The following NCALD variants were observed in gnomAD, a reference collection of about 807,000 sequenced individuals.
The protein encoded by NCALD is neurocalcin delta, also known as neurocalcin-delta.
Under a neutral mutation model 18.6 loss-of-function variants are expected in NCALD, and 10 were observed. That is an observed-to-expected ratio of 0.54 (90% CI 0.33 to 0.91). The LOEUF (loss-of-function observed/expected upper bound fraction) is 0.91. Among genes scored for constraint, NCALD ranks in the 40% least tolerant of loss-of-function variants. The pLI is 0.03. For synonymous variants in NCALD, 88 were observed against 87.4 expected, an observed-to-expected ratio of 1.01 and a Z score of -0.04; for missense variants, 184 against 247.6, an observed-to-expected ratio of 0.74 and a Z score of 1.72.
chr8:101,961,814 T>A (rs1322107428), intron 2 of NCALD, among the ~76,000 whole-genome samples: 1 of 152,058 alleles, frequency 6.6e-6, no homozygotes. Context: ...CTACCTCAAC[T>A]CTCTCCCCTA....
intron 4 of NCALD, among the ~76,000 whole-genome samples, chr8:101,820,335 G>A (rs1813669805): frequency 6.6e-6 from 1 of 151,972 alleles, no homozygotes; most frequent in Non-Finnish European, 1.5e-5. Context: ...CACATTGCAG[G>A]CACTCAAAAT....
chr8:101,849,263 T>C (rs1814997819), intron 4 of NCALD, among the ~76,000 whole-genome samples: 3 of 152,046 alleles, frequency 2.0e-5, no homozygotes, highest in South Asian at 2.1e-4. Flanking sequence ...GCTTAATACA[T>C]AGGTGATGGG....
intron 2 of NCALD, among the ~76,000 whole-genome samples, chr8:101,707,616 G>A (rs1430740674): frequency 2.0e-5 from 3 of 152,194 alleles, no homozygotes; most frequent in African/African-American, 7.2e-5. Context: ...GGTGTGAAGT[G>A]TATACTGGGG....
At chr8:101,916,739 T>A (rs1260433359) in intron 2 of NCALD, among the ~76,000 whole-genome samples, 1 of 151,820 alleles carries the variant, frequency 6.6e-6, no homozygotes, top group Non-Finnish European at 1.5e-5. Context: ...TTAACACCAA[T>A]AACAGTAAAA....
intron 4 of NCALD, among the ~76,000 whole-genome samples, chr8:101,840,128 A>AC (rs1491087416): frequency 6.6e-6 from 1 of 151,576 alleles, no homozygotes; most frequent in Non-Finnish European, 1.5e-5. Flanking sequence ...AAAAAAAAAA[A>AC]ACACAGCTGA....
chr8:101,969,079 C>T (rs1820139877), intron 2 of NCALD, among the ~76,000 whole-genome samples: 1 of 152,214 alleles, frequency 6.6e-6, no homozygotes, highest in African/African-American at 2.4e-5. Context: ...CAAGCAGTCT[C>T]TGCAAGTGAG....
At chr8:102,076,161 T>C (rs1487931264) in intron 1 of NCALD, among the ~76,000 whole-genome samples, 1 of 151,998 alleles carries the variant, frequency 6.6e-6, no homozygotes, top group African/African-American at 2.4e-5. Flanking sequence ...AATAAAAAAA[T>C]AACATGTTTA....
At chr8:101,770,375 A>T (rs1811533935) in intron 1 of NCALD, among the ~76,000 whole-genome samples, 1 of 152,214 alleles carries the variant, frequency 6.6e-6, no homozygotes, top group African/African-American at 2.4e-5. Flanking sequence ...ATGATGTTAT[A>T]ATCAGTAGCA....
intron 1 of NCALD, among the ~76,000 whole-genome samples, chr8:101,770,990 G>A (rs561367355): frequency 2.6e-5 from 4 of 152,104 alleles, no homozygotes; most frequent in Middle Eastern, 3.4e-3. Context: ...CAACTAAGAG[G>A]GTTCAGACAA....
At chr8:101,831,832 G>C (rs559744796) in intron 4 of NCALD, among the ~76,000 whole-genome samples, 2 of 152,230 alleles carry the variant, frequency 1.3e-5, no homozygotes, top group South Asian at 4.2e-4. Flanking sequence ...GAGGCCACAG[G>C]AACCCTAGTT....
chr8:102,119,012 G>A (rs1362553320), intron 1 of NCALD, among the ~76,000 whole-genome samples: 1 of 152,184 alleles, frequency 6.6e-6, no homozygotes, highest in Admixed American at 6.5e-5. Context: ...GAAAACAGTG[G>A]ATGTTCCTCC....
At chr8:102,108,419 G>A (rs1316172998) in intron 1 of NCALD, among the ~76,000 whole-genome samples, 1 of 152,138 alleles carries the variant, frequency 6.6e-6, no homozygotes, top group East Asian at 1.9e-4. Context: ...AAGACCATTT[G>A]AGCTTATCAA....
chr8:102,107,219 T>TATATATATAC (rs1554598764), intron 1 of NCALD, among the ~76,000 whole-genome samples: 34 of 127,328 alleles, frequency 2.7e-4, no homozygotes, highest in African/African-American at 1.2e-3. Flanking sequence ...TATATATATA[T>TATATATATAC]ATATATATAT....
chr8:101,840,384 C>T (rs377070833), intron 4 of NCALD, among the ~76,000 whole-genome samples: 11 of 152,290 alleles, frequency 7.2e-5, no homozygotes, highest in African/African-American at 2.6e-4. Context: ...AGCAAGTATG[C>T]TGCTTGGTAG....
At chr8:101,870,171 CT>C (rs1243335428) in intron 4 of NCALD, among the ~76,000 whole-genome samples, 2 of 152,220 alleles carry the variant, frequency 1.3e-5, no homozygotes, top group Admixed American at 1.3e-4. Context: ...CCATCACTCT[CT>C]TTACTTCACA....
chr8:102,094,857 G>A (rs74670811), intron 1 of NCALD, among the ~76,000 whole-genome samples: 9,067 of 152,214 alleles, frequency 0.06, 307 homozygotes, highest in South Asian at 0.087. Flanking sequence ...GTGTCCACAC[G>A]ACAGGGAACA....
intron 1 of NCALD, among the ~76,000 whole-genome samples, chr8:101,751,680 T>C (rs901793277): frequency 7.9e-5 from 12 of 151,942 alleles, no homozygotes; most frequent in African/African-American, 2.7e-4. Context: ...TGAGAAAAGA[T>C]CAAAGACAAA....
At chr8:101,874,305 G>A (rs1376715572) in intron 4 of NCALD, among the ~76,000 whole-genome samples, 1 of 152,114 alleles carries the variant, frequency 6.6e-6, no homozygotes, top group Non-Finnish European at 1.5e-5. Flanking sequence ...CTTTTCCATT[G>A]TGAAGGTTTA....
chr8:101,979,143 G>A (rs1820527014), intron 2 of NCALD, among the ~76,000 whole-genome samples: 1 of 152,164 alleles, frequency 6.6e-6, no homozygotes, highest in Non-Finnish European at 1.5e-5. Flanking sequence ...CCAAGAGTGG[G>A]GCTGGGCAGA....
Sources: gnomAD v4.1 joint callset for allele counts (sites outside exome capture counted in the v4.1 genomes callset) on GRCh38, gnomAD v4.1.1 for gene constraint, MANE v1.5 for transcripts, NCBI Gene and HGNC (gene_info 2026-07-23, HGNC 2026-07-21) for gene names.